The following RASSF10 variants were observed in gnomAD, a reference collection of about 807,000 sequenced individuals.
RASSF10 encodes Ras association domain family member 10.
RASSF10 carries 22 observed loss-of-function variants against 41.5 expected under a neutral mutation model. The ratio of observed to expected loss-of-function variants is 0.53; its 90% CI spans 0.38 to 0.76. RASSF10 has a LOEUF of 0.76. Ranked by LOEUF, RASSF10 falls within the 30% of genes least tolerant of loss-of-function variation. The pLI is 0.00. For missense variants in RASSF10, 776 were observed against 711.8 expected (o/e 1.09, Z -1.03); for synonymous variants, 364 against 319.0 (o/e 1.14, Z -1.50).
Position 13,010,723 on chromosome 11 carries a change from C to A in RASSF10, c.1147C>A (p.Leu383Met). The change falls in exon 1 of 1, where the codon CTG becomes ATG. Residue 383 changes from leucine to methionine, a missense_variant. Physicochemically the swap from Leu to Met is conservative, Grantham distance 15. Transcript: ENST00000529419. The surrounding 1 kb of genome is among the most constrained non-coding windows in gnomAD (Gnocchi z 4.8). Reference sequence around the variant, plus strand: ...GCCCGACGGTGGCCCCGACGGCGAGCTGCTGCTGGAGCAGGAACGGGTCAG... The same window carrying A: ...GCCCGACGGTGGCCCCGACGGCGAGATGCTGCTGGAGCAGGAACGGGTCAG... ...LEPDGGPDGE[L>M]LLEQERVRTQ... 1 of 1,597,044 alleles carries A rather than the reference C, an allele frequency of 6.3e-7. No individual in the cohort carries two copies. Among genetic ancestry groups the A allele is most frequent in the Non-Finnish European group, 8.5e-7 (1 of 1,172,210 alleles).
rs1366785694 is a variant in RASSF10 at position 13,010,005 on chromosome 11, C to G, written c.429C>G (p.Ala143=). ...TGCCTAACGCCGGCCCCCGCAGCGC[C>G]GAGGCGCGCGTAGTGCTGAGCCGAG... ...ASLPNAGPRS[A]EARVVLSRER... Residue 143 remains alanine (A), a synonymous_variant, in exon 1 of 1, where the codon GCC becomes GCG. Transcript: ENST00000529419. The surrounding 1 kb of genome is among the most constrained non-coding windows in gnomAD (Gnocchi z 4.8). 1.3e-6 allele frequency: 2 copies of G among 1,543,152 alleles called. No homozygotes were observed. Among genetic ancestry groups the G allele is most frequent in the East Asian group, 4.9e-5 (2 of 40,740 alleles).
chr11:13,009,732 G>A lies in RASSF10; in HGVS notation c.156G>A (p.Leu52=), dbSNP rs1040952912. ...GGAGACAGCGGCGGAGCCGGCGGCT[G>A]GGGTCGGCCGGCGACCCGCATGGCC... ...RRRRQRRSRR[L]GSAGDPHGPG... The change falls in exon 1 of 1, where the codon CTG becomes CTA. Residue 52 remains leucine (L), a synonymous_variant. Transcript: ENST00000529419. 32 of 1,579,424 alleles carry A rather than the reference G, an allele frequency of 2.0e-5. No individual in the cohort carries two copies. Among genetic ancestry groups the A allele is most frequent in the Non-Finnish European group, 2.5e-5 (29 of 1,163,942 alleles).
In RASSF10 at chr11:13,011,395, GAGC is replaced by G; in HGVS notation, c.*296_*298del. 1 of 323,914 alleles carries G rather than the reference GAGC, an allele frequency of 3.1e-6. No individual in the cohort carries two copies. Among genetic ancestry groups the G allele is most frequent in the Non-Finnish European group, 5.7e-6 (1 of 176,386 alleles). 20.1% of individuals were successfully genotyped at this position (323,914 alleles called of 1,614,324 possible). A position where few individuals can be genotyped will look rare whatever the true frequency, so the allele number is the denominator to read the frequency against. On this transcript the variant is annotated 3_prime_UTR_variant, in exon 1 of 1. Transcript: ENST00000529419. ...CAACCCAAGGAAATTGACGTGGTCC[GAGC>G]CCATTTTCAAAGTAAGGAAGTATAA...
In RASSF10 at chr11:13,011,447, A is replaced by G. The variant is rs749942111; in HGVS notation, c.*347A>G. 7.2e-5 allele frequency: 15 copies of G among 209,176 alleles called. No homozygotes were observed. Among genetic ancestry groups the G allele is most frequent in the Non-Finnish European group, 1.4e-4 (14 of 102,894 alleles). The allele number at this position is 209,176 out of a possible 1,614,324, so 13.0% of individuals were successfully genotyped here. On this transcript the variant is annotated 3_prime_UTR_variant, in exon 1 of 1. Transcript: ENST00000529419. ...AATGGAGATTTCGCTACTCTTCTGTATGGGAAGGACTGATGGCAGCTAGAA... is the reference window on the plus strand; with the variant it reads ...AATGGAGATTTCGCTACTCTTCTGTGTGGGAAGGACTGATGGCAGCTAGAA...
At position 13,009,394 on chromosome 11, in the gene RASSF10, C is replaced by A; in HGVS notation, c.-183C>A. ...CGTCCGGGCAGAGCGCAGCCGCAACCGCGACCACAGCCGCAGTCGCTTTCC... is the reference window on the plus strand; with the variant it reads ...CGTCCGGGCAGAGCGCAGCCGCAACAGCGACCACAGCCGCAGTCGCTTTCC... On this transcript the variant is annotated 5_prime_UTR_variant, in exon 1 of 1. Coordinates refer to ENST00000529419, the MANE Select transcript of RASSF10 (RefSeq NM_001080521.3). 7.2e-7 allele frequency: 1 copy of A among 1,397,042 alleles called. No individual in the cohort carries two copies. The highest frequency in any genetic ancestry group is 9.7e-7 in the Non-Finnish European group (1 of 1,033,236). 86.5% of individuals were successfully genotyped at this position (1,397,042 alleles called of 1,614,324 possible).
rs998942885 is a variant in RASSF10, at chr11:13,011,267, G to C, written c.*167G>C. ...TCGCGCTCATCTGGCTCCGGGGTGAGTGCAGAGCAGGGTGAGGGTAGAAGA... is the reference window on the plus strand; with the variant it reads ...TCGCGCTCATCTGGCTCCGGGGTGACTGCAGAGCAGGGTGAGGGTAGAAGA... On this transcript the variant is annotated 3_prime_UTR_variant, in exon 1 of 1. Coordinates refer to ENST00000529419, the MANE Select transcript of RASSF10 (RefSeq NM_001080521.3). The C allele has an allele frequency of 9.9e-6, 6 of 607,558 alleles. No homozygotes were observed. Among genetic ancestry groups the C allele is most frequent in the Admixed American group, 5.9e-5 (2 of 33,852 alleles). 37.6% of individuals were successfully genotyped at this position (607,558 alleles called of 1,614,324 possible).
rs1395868178 is a variant in RASSF10, at chr11:13,010,510, G to A, written c.934G>A (p.Gly312Ser). The change falls in exon 1 of 1, where the codon GGC (glycine) becomes AGC (serine). Residue 312 changes from glycine to serine, a missense_variant. Gly to Ser is a moderately conservative substitution (Grantham distance 56, BLOSUM62 0). Transcript: ENST00000529419. This position sits in a 1 kb window ranked among gnomAD's most constrained non-coding sequence, Gnocchi z 4.8. ...EEAAAAPPLA[G>S]EAQAAALEEL... ...GGCGGCGGCGGCGCCCCCTCTAGCC[G>A]GCGAGGCGCAGGCGGCGGCGCTGGA... 5.9e-6 allele frequency: 9 copies of A among 1,516,038 alleles called. No homozygotes were observed. Among genetic ancestry groups the A allele is most frequent in the Admixed American group, 2.2e-5 (1 of 46,264 alleles). The allele number at this position is 1,516,038 out of a possible 1,614,324, so 93.9% of individuals were successfully genotyped here.
rs1949555506 is a variant in RASSF10, at chr11:13,009,499, A to C, written c.-78A>C. On this transcript the variant is annotated 5_prime_UTR_variant, in exon 1 of 1. Coordinates refer to ENST00000529419, the MANE Select transcript of RASSF10 (RefSeq NM_001080521.3). ...GGCACGGGCTCCTCTCCCATCCCAG[A>C]GCTACTGGGCTGCCCTTGCTGTCCT... 1 of 1,542,596 alleles carries C rather than the reference A, an allele frequency of 6.5e-7. No individual in the cohort carries two copies. The highest frequency in any genetic ancestry group is 8.7e-7 in the Non-Finnish European group (1 of 1,145,108).
At position 13,010,190 on chromosome 11, in the gene RASSF10, C is replaced by T. The variant is rs1300323414; in HGVS notation, c.614C>T (p.Ser205Phe). Residue 205 changes from serine (S) to phenylalanine (F), a missense_variant, in exon 1 of 1, where the codon TCC becomes TTC. Physicochemically the swap from Ser to Phe is radical, Grantham distance 155. Coordinates refer to ENST00000529419, the MANE Select transcript of RASSF10 (RefSeq NM_001080521.3). This position sits in a 1 kb window ranked among gnomAD's most constrained non-coding sequence, Gnocchi z 4.8. Reference sequence around the variant, plus strand: ...TCGTCCTGTTCGTCCACTTCGTCGTCCACTGCCTCGTCCTGCTCTTCGTCG... The same window carrying T: ...TCGTCCTGTTCGTCCACTTCGTCGTTCACTGCCTCGTCCTGCTCTTCGTCG... ...TPSSCSSTSSSTASSCSSSPR... is the reference protein window; with the variant it reads ...TPSSCSSTSSFTASSCSSSPR... 2.5e-6 allele frequency: 4 copies of T among 1,595,254 alleles called. No homozygotes were observed. The East Asian group carries it at 6.9e-5, about 27-fold the overall frequency.
Position 13,010,431 on chromosome 11 carries a change from C to T in RASSF10, c.855C>T (p.Leu285=). The part of the protein sequence containing the change: ...DTYLVGAGIE[L]DGSRPGEEPE... ...ACTTGGTTGGGGCAGGCATCGAGCTCGACGGGTCCAGACCGGGAGAGGAGC... is the reference window on the plus strand; with the variant it reads ...ACTTGGTTGGGGCAGGCATCGAGCTTGACGGGTCCAGACCGGGAGAGGAGC... The change falls in exon 1 of 1, where the codon CTC becomes CTT. Residue 285 remains leucine, a synonymous_variant. Transcript: ENST00000529419. The surrounding 1 kb of genome is among the most constrained non-coding windows in gnomAD (Gnocchi z 4.8). 1.3e-6 allele frequency: 2 copies of T among 1,545,220 alleles called. No individual in the cohort carries two copies. Among genetic ancestry groups the T allele is most frequent in the Non-Finnish European group, 1.7e-6 (2 of 1,142,858 alleles).
chr11:13,010,520 A>G lies in RASSF10; in HGVS notation c.944A>G (p.Gln315Arg), dbSNP rs775948471. The change falls in exon 1 of 1, where the codon CAG becomes CGG. Residue 315 changes from glutamine to arginine, a missense_variant. Coordinates refer to ENST00000529419, the MANE Select transcript of RASSF10 (RefSeq NM_001080521.3). This position sits in a 1 kb window ranked among gnomAD's most constrained non-coding sequence, Gnocchi z 4.8. ...GCGCCCCCTCTAGCCGGCGAGGCGC[A>G]GGCGGCGGCGCTGGAGGAGCTGGCC... is the stretch of plus-strand genomic sequence containing the variant. The part of the protein sequence containing the change: ...AAAPPLAGEA[Q>R]AAALEELARR... The G allele has an allele frequency of 4.0e-6, 6 of 1,516,982 alleles. No homozygotes were observed. Among genetic ancestry groups the G allele is most frequent in the South Asian group, 1.3e-5 (1 of 77,898 alleles). 94.0% of individuals were successfully genotyped at this position (1,516,982 alleles called of 1,614,324 possible).
At position 13,010,620 on chromosome 11, in the gene RASSF10, C is replaced by T. The variant is rs745464070; in HGVS notation, c.1044C>T (p.Ala348=). Residue 348 remains alanine (A), a synonymous_variant, in exon 1 of 1, where the codon GCC becomes GCT. Coordinates refer to ENST00000529419, the MANE Select transcript of RASSF10 (RefSeq NM_001080521.3). This position sits in a 1 kb window ranked among gnomAD's most constrained non-coding sequence, Gnocchi z 4.8. ...AGGAGTTGCTGGAGCGCCTTTCAGCCGAGATTCAGGAGGAACTCAACCAGA... is the reference window on the plus strand; with the variant it reads ...AGGAGTTGCTGGAGCGCCTTTCAGCTGAGATTCAGGAGGAACTCAACCAGA... ...QQEELLERLS[A]EIQEELNQRW... The T allele has an allele frequency of 2.2e-5, 35 of 1,588,728 alleles. No individual in the cohort carries two copies. Among genetic ancestry groups the T allele is most frequent in the Non-Finnish European group, 3.0e-5 (35 of 1,168,514 alleles).
rs1309009666 is a variant in RASSF10 at position 13,010,149 on chromosome 11, C to T, written c.573C>T (p.Arg191=). 1.3e-6 allele frequency: 2 copies of T among 1,572,930 alleles called. No individual in the cohort carries two copies. Among genetic ancestry groups the T allele is most frequent in the East Asian group, 2.4e-5 (1 of 41,922 alleles). ...FRKLAKLNRR[R]QQQTPSSCSS... The stretch of plus-strand genomic sequence containing the variant: ...AACTGGCCAAGCTCAACCGGCGGCG[C>T]CAGCAGCAGACACCGTCGTCCTGTT... Residue 191 remains arginine, a synonymous_variant, in exon 1 of 1, where the codon CGC becomes CGT. Coordinates refer to ENST00000529419, the MANE Select transcript of RASSF10 (RefSeq NM_001080521.3). The surrounding 1 kb of genome is among the most constrained non-coding windows in gnomAD (Gnocchi z 4.8).
Position 13,009,759 on chromosome 11 carries a change from G to A in RASSF10, c.183G>A (p.Pro61=), listed in dbSNP as rs766940199. The part of the protein sequence containing the change: ...RLGSAGDPHG[P]GELPEPPNED... ...GGTCGGCCGGCGACCCGCATGGCCC[G>A]GGAGAGCTGCCCGAACCCCCGAACG... Residue 61 remains proline, a synonymous_variant, in exon 1 of 1, where the codon CCG becomes CCA. Coordinates refer to ENST00000529419, the MANE Select transcript of RASSF10 (RefSeq NM_001080521.3). 1 of 1,596,372 alleles carries A rather than the reference G, an allele frequency of 6.3e-7. No individual in the cohort carries two copies. Among genetic ancestry groups the A allele is most frequent in the African/African-American group, 1.3e-5 (1 of 74,718 alleles).
In RASSF10 at chr11:13,010,506, A is replaced by G; in HGVS notation, c.930A>G (p.Leu310=). The part of the protein sequence containing the change: ...EAEEAAAAPP[L]AGEAQAAALE... ...AGGAGGCGGCGGCGGCGCCCCCTCT[A>G]GCCGGCGAGGCGCAGGCGGCGGCGC... The change falls in exon 1 of 1, where the codon CTA becomes CTG. Residue 310 remains leucine (L), a synonymous_variant. Coordinates refer to ENST00000529419, the MANE Select transcript of RASSF10 (RefSeq NM_001080521.3). The surrounding 1 kb of genome is among the most constrained non-coding windows in gnomAD (Gnocchi z 4.8). The G allele has an allele frequency of 6.6e-7, 1 of 1,516,004 alleles. No individual in the cohort carries two copies. The highest frequency in any genetic ancestry group is 8.8e-7 in the Non-Finnish European group (1 of 1,131,612). 93.9% of individuals were successfully genotyped at this position (1,516,004 alleles called of 1,614,324 possible).
In RASSF10 at chr11:13,011,219, G is replaced by A. The variant is rs1258687839; in HGVS notation, c.*119G>A. 3 of 808,714 alleles carry A rather than the reference G, an allele frequency of 3.7e-6. No individual in the cohort carries two copies. Among genetic ancestry groups the A allele is most frequent in the Non-Finnish European group, 5.7e-6 (3 of 524,938 alleles). The allele number at this position is 808,714 out of a possible 1,614,324, so 50.1% of individuals were successfully genotyped here. On this transcript the variant is annotated 3_prime_UTR_variant, in exon 1 of 1. Coordinates refer to ENST00000529419, the MANE Select transcript of RASSF10 (RefSeq NM_001080521.3). ...CTGTTGCGAGCCCAGAGCTCCGGCT[G>A]GGCAGCAGCGCTCTGCGCAGCCTCG...
Position 13,011,188 on chromosome 11 carries a change from A to G in RASSF10, c.*88A>G, listed in dbSNP as rs909943444. 1.7e-5 allele frequency: 19 copies of G among 1,130,268 alleles called. No homozygotes were observed. Among genetic ancestry groups the G allele is most frequent in the Non-Finnish European group, 2.2e-5 (18 of 812,480 alleles). 70.0% of individuals were successfully genotyped at this position (1,130,268 alleles called of 1,614,324 possible). A position where few individuals can be genotyped will look rare whatever the true frequency, so the allele number is the denominator to read the frequency against. ...GGGCCAGCCGGCTCGCGGACTTGAA[A>G]CCAGGCTGTTGCGAGCCCAGAGCTC... On this transcript the variant is annotated 3_prime_UTR_variant, in exon 1 of 1. Transcript: ENST00000529419.
Position 13,010,889 on chromosome 11 carries a change from C to T in RASSF10, c.1313C>T (p.Thr438Ile), listed in dbSNP as rs1949574315. Reference sequence around the variant, plus strand: ...CAGGGCCTTCTGCAAACTTTGCACACTTTGGAGCTGACGGTGGCACCGGAT... The same window carrying T: ...CAGGGCCTTCTGCAAACTTTGCACATTTTGGAGCTGACGGTGGCACCGGAT... Reference protein sequence around the residue: ...ELQGLLQTLHTLELTVAPDGA... With the variant: ...ELQGLLQTLHILELTVAPDGA... Residue 438 changes from threonine to isoleucine, a missense_variant, in exon 1 of 1, where the codon ACT (threonine) becomes ATT (isoleucine). Physicochemically the swap from Thr to Ile is moderately conservative, Grantham distance 89. Coordinates refer to ENST00000529419, the MANE Select transcript of RASSF10 (RefSeq NM_001080521.3). The surrounding 1 kb of genome is among the most constrained non-coding windows in gnomAD (Gnocchi z 4.8). 6.2e-7 allele frequency: 1 copy of T among 1,613,920 alleles called. No homozygotes were observed. Among genetic ancestry groups the T allele is most frequent in the Non-Finnish European group, 8.5e-7 (1 of 1,179,858 alleles).
At position 13,010,531 on chromosome 11, in the gene RASSF10, C is replaced by T. The variant is rs1437326581; in HGVS notation, c.955C>T (p.Leu319=). 19 of 1,525,540 alleles carry T rather than the reference C, an allele frequency of 1.2e-5. No homozygotes were observed. Among genetic ancestry groups the T allele is most frequent in the Non-Finnish European group, 1.7e-5 (19 of 1,135,234 alleles). 94.5% of individuals were successfully genotyped at this position (1,525,540 alleles called of 1,614,324 possible). The part of the protein sequence containing the change: ...PLAGEAQAAA[L]EELARRCDDL... ...AGCCGGCGAGGCGCAGGCGGCGGCG[C>T]TGGAGGAGCTGGCCCGGCGCTGCGA... The change falls in exon 1 of 1, where the codon CTG becomes TTG. Residue 319 remains leucine (L), a synonymous_variant. Transcript: ENST00000529419. This position sits in a 1 kb window ranked among gnomAD's most constrained non-coding sequence, Gnocchi z 4.8.
Sources: allele counts gnomAD v4.1 joint callset, GRCh38; gene constraint gnomAD v4.1.1; non-coding constraint Gnocchi (gnomAD v3.1); transcripts MANE v1.5; gene names NCBI Gene and HGNC (gene_info 2026-07-23, HGNC 2026-07-21).